PPIP5K2: variants seen among roughly 807,000 people sequenced by gnomAD.
The protein encoded by PPIP5K2 is inositol hexakisphosphate and diphosphoinositol-pentakisphosphate kinase 2.
PPIP5K2 carries 105 observed loss-of-function variants against 154.6 expected under a neutral mutation model. The observed-to-expected ratio is 0.68, with a 90% CI of 0.58 to 0.80. The LOEUF is 0.80. Ranked by LOEUF, PPIP5K2 falls within the 30% of genes least tolerant of loss-of-function variation. PPIP5K2 has a pLI of 0.00. For missense variants in PPIP5K2, 992 were observed against 1,504.6 expected (o/e 0.66, Z 5.64); for synonymous variants, 480 against 490.3 (o/e 0.98, Z 0.28).
rs782756106 is a variant in PPIP5K2 at position 103,210,575 on chromosome 5, G to C, written c.*8941G>C. The C allele has an allele frequency of 2.0e-5, 3 of 151,936 alleles. No homozygotes were observed. The highest frequency in any genetic ancestry group is 4.4e-5 in the Non-Finnish European group (3 of 67,936). The allele number at this position is 151,936 out of a possible 1,614,324, so 9.4% of individuals were successfully genotyped here. A position where few individuals can be genotyped will look rare whatever the true frequency, so the allele number is the denominator to read the frequency against. On this transcript the variant is annotated 3_prime_UTR_variant, in exon 31 of 31. Coordinates refer to ENST00000358359, the MANE Select transcript of PPIP5K2 (RefSeq NM_001276277.3). ...GTGGTAGACTATCTGGGAGACTCTA[G>C]AATCTTTACCATTCCCTCTACTATT... is the stretch of plus-strand genomic sequence containing the variant.
At chr5:103,123,474 G>T (rs1789127974) in intron 1 of PPIP5K2, among the ~76,000 whole-genome samples, 1 of 152,208 alleles carries the variant, frequency 6.6e-6, no homozygotes, top group Non-Finnish European at 1.5e-5. Context: ...AGCCCTACAG[G>T]TGATTCTGTT....
chr5:103,167,306 A>G lies in PPIP5K2; in HGVS notation c.2048A>G (p.Asp683Gly). Residue 683 changes from aspartate (D) to glycine (G), a missense_variant, in exon 18 of 31, where the codon GAT becomes GGT. Around this residue, in one of 9 missense-constraint regions of PPIP5K2, gnomAD observed 82 missense variants for 91.8 expected, o/e 0.89. Coordinates refer to ENST00000358359, the MANE Select transcript of PPIP5K2 (RefSeq NM_001276277.3). Reference protein sequence around the residue: ...LTSQIRHRMEDPKSSDIQLYH... With the variant: ...LTSQIRHRMEGPKSSDIQLYH... ...TCTCAAATCAGACATCGAATGGAAG[A>G]TCCTAAATCATCAGGTAAATATGTT... is the stretch of plus-strand genomic sequence containing the variant. 6.3e-7 allele frequency: 1 copy of G among 1,576,212 alleles called. No individual in the cohort carries two copies. The highest frequency in any genetic ancestry group is 8.6e-7 in the Non-Finnish European group (1 of 1,164,620).
At chr5:103,184,853 T>C in intron 26 of PPIP5K2, 109 bp downstream of exon 26, 1 of 729,110 alleles carries the variant, frequency 1.4e-6, no homozygotes, top group Non-Finnish European at 2.3e-6. Context: ...CTGTAGTTTT[T>C]ATTTAATGTG....
chr5:103,189,634 G>A lies in PPIP5K2; in HGVS notation c.3353-1208G>A, dbSNP rs905389893. On this transcript the variant is annotated intron_variant, in intron 28 of 30. Transcript: ENST00000358359. ...TTTTTGTTTTTAAAGTATGTGTAAT[G>A]TTCTGTCATGCTTTGGTTTGCACCT... is the stretch of plus-strand genomic sequence containing the variant. 2.0e-5 allele frequency among the ~76,000 whole-genome samples: 3 copies of A among 151,966 alleles called. No homozygotes were observed. In the East Asian group the frequency reaches 5.8e-4, roughly 29 times the overall value.
At chr5:103,151,057 T>G (rs1794578325) in intron 8 of PPIP5K2, among the ~76,000 whole-genome samples, 196 bp from the exon 9 acceptor site, 1 of 152,010 alleles carries the variant, frequency 6.6e-6, no homozygotes, top group Admixed American at 6.6e-5. Flanking sequence ...AATAATCATA[T>G]AGCCTCTATA....
At chr5:103,135,968 CTTTTTTTTTTTT>C (rs1159954877) in intron 3 of PPIP5K2, 1 of 116,306 alleles carries the variant, frequency 8.6e-6, no homozygotes, top group Non-Finnish European at 1.8e-5. Context: ...GCTTCTGTAG[CTTTTTTTTTTTT>C]TTTTTTTTTG....
At chr5:103,144,613 T>A (rs1793424992) in intron 5 of PPIP5K2, among the ~76,000 whole-genome samples, 1 of 151,890 alleles carries the variant, frequency 6.6e-6, no homozygotes, top group African/African-American at 2.4e-5. Flanking sequence ...CAGAAAAAAA[T>A]ATACACATTT....
In PPIP5K2 at chr5:103,206,712, G is replaced by A. The variant is rs113779221; in HGVS notation, c.*5078G>A. 5 of 152,290 alleles carry A rather than the reference G, an allele frequency of 3.3e-5. No homozygotes were observed. The highest frequency in any genetic ancestry group is 1.2e-4 in the African/African-American group (5 of 41,564). 9.4% of individuals were successfully genotyped at this position (152,290 alleles called of 1,614,324 possible). A position where few individuals can be genotyped will look rare whatever the true frequency, so the allele number is the denominator to read the frequency against. Reference sequence around the variant, plus strand: ...TTCACTTACTATGATAAAATTATAAGCAAGAGACCAAAAAGGAAAGTAGGG... The same window carrying A: ...TTCACTTACTATGATAAAATTATAAACAAGAGACCAAAAAGGAAAGTAGGG... On this transcript the variant is annotated 3_prime_UTR_variant, in exon 31 of 31. Transcript: ENST00000358359.
At chr5:103,172,619 A>G (rs1554219835) in intron 19 of PPIP5K2, among the ~76,000 whole-genome samples, 2 of 151,744 alleles carry the variant, frequency 1.3e-5, no homozygotes, top group African/African-American at 2.4e-5. Context: ...ATTCCTTACA[A>G]ATCCAATTAA....
rs1474927376 is a variant in PPIP5K2 at position 103,205,348 on chromosome 5, G to A, written c.*3714G>A. 6.6e-6 allele frequency: 1 copy of A among 152,038 alleles called. No homozygotes were observed. Among genetic ancestry groups the A allele is most frequent in the Non-Finnish European group, 1.5e-5 (1 of 68,020 alleles). The allele number at this position is 152,038 out of a possible 1,614,324, so 9.4% of individuals were successfully genotyped here. A position where few individuals can be genotyped will look rare whatever the true frequency, so the allele number is the denominator to read the frequency against. On this transcript the variant is annotated 3_prime_UTR_variant, in exon 31 of 31. Transcript: ENST00000358359. The stretch of plus-strand genomic sequence containing the variant: ...TAGTGGCATGATTTATAATCCTTTG[G>A]GTATATACCCAGTAATGGGATGGCT...
Position 103,168,265 on chromosome 5 carries a change from G to C in PPIP5K2, c.2256G>C (p.Ser752=), listed in dbSNP as rs114915858. ...ACACAATGGAATTATATAGGCTTTC[G>C]AAGGCATTAGCAGATATTGTTATCC... The part of the protein sequence containing the change: ...LENTMELYRL[S]KALADIVIPQ... Residue 752 remains serine, a synonymous_variant, in exon 19 of 31, where the codon TCG becomes TCC. Coordinates refer to ENST00000358359, the MANE Select transcript of PPIP5K2 (RefSeq NM_001276277.3). 6.2e-7 allele frequency: 1 copy of C among 1,606,894 alleles called. No individual in the cohort carries two copies.
rs782769236 is a variant in PPIP5K2 at position 103,129,675 on chromosome 5, A to C, written c.86A>C (p.Asp29Ala). The C allele has an allele frequency of 1.9e-6, 3 of 1,608,362 alleles. No homozygotes were observed. The highest frequency in any genetic ancestry group is 1.7e-5 in the Admixed American group (1 of 58,648). Residue 29 changes from aspartate (D) to alanine (A), a missense_variant, in exon 2 of 31, where the codon GAT becomes GCT. This residue lies in a region of PPIP5K2 where 153 missense variants were observed against 200.4 expected (regional missense o/e 0.76). Coordinates refer to ENST00000358359, the MANE Select transcript of PPIP5K2 (RefSeq NM_001276277.3). ...GNYRHFFHHA[D>A]EDDEEEDDSP... Reference sequence around the variant, plus strand: ...TATCGACATTTCTTCCACCATGCAGATGAAGACGATGAGGAGGAAGATGAT... The same window carrying C: ...TATCGACATTTCTTCCACCATGCAGCTGAAGACGATGAGGAGGAAGATGAT...
At chr5:103,163,804 T>A (rs1208038825) in intron 17 of PPIP5K2, among the ~76,000 whole-genome samples, 6 of 152,028 alleles carry the variant, frequency 3.9e-5, no homozygotes, top group African/African-American at 1.4e-4. Context: ...TAGAATATCC[T>A]CAGCTTTTCC....
intron 8 of PPIP5K2, among the ~76,000 whole-genome samples, chr5:103,150,843 C>CTTTTTTTTTTT (rs377739666): frequency 1.5e-5 from 1 of 68,064 alleles, no homozygotes; most frequent in Non-Finnish European, 2.7e-5. Context: ...GTCCATCCTC[C>CTTTTTTTTTTT]TTTTTTTTTT....
rs145476006 is a variant in PPIP5K2, at chr5:103,166,846, T to A, written c.1921-333T>A. On this transcript the variant is annotated intron_variant, in intron 17 of 30. Coordinates refer to ENST00000358359, the MANE Select transcript of PPIP5K2 (RefSeq NM_001276277.3). ...AAGGGGAAATAGATCATCTTAGAGG[T>A]CTTCATCTTTATTTTCACATTGAGT... is the stretch of plus-strand genomic sequence containing the variant. 3.2e-3 allele frequency among the ~76,000 whole-genome samples: 487 copies of A among 151,850 alleles called. 1 individual carries two copies. The highest frequency in any genetic ancestry group is 5.8e-3 in the Non-Finnish European group (391 of 67,894).
intron 1 of PPIP5K2, 191 bp downstream of exon 1, chr5:103,120,679 C>A: frequency 3.3e-6 from 1 of 305,036 alleles, no homozygotes; most frequent in Non-Finnish European, 6.8e-6. Context: ...GGTCCTTTCG[C>A]GCCTTGATTT....
chr5:103,156,263 T>C (rs1335115330), intron 14 of PPIP5K2, among the ~76,000 whole-genome samples: 2 of 152,328 alleles, frequency 1.3e-5, no homozygotes, highest in East Asian at 3.8e-4. Context: ...GGAAAACTTA[T>C]TTGTTTATAA....
Position 103,133,637 on chromosome 5 carries a change from TC to T in PPIP5K2, c.301del (p.His101IlefsTer21). 6.2e-7 allele frequency: 1 copy of T among 1,602,334 alleles called. No homozygotes were observed. Among genetic ancestry groups the T allele is most frequent in the Non-Finnish European group, 8.5e-7 (1 of 1,176,006 alleles). On this transcript the variant is annotated frameshift_variant, in exon 3 of 31. Coordinates refer to ENST00000358359, the MANE Select transcript of PPIP5K2 (RefSeq NM_001276277.3). LOFTEE classifies it high-confidence loss of function. ...NWPLCDCLISFHSKGFPLDKA... is the reference protein window; with the variant it reads ...NWPLCDCLISXHSKGFPLDKA... Reference sequence around the variant, plus strand: ...CCTTTATGTGATTGTCTTATTTCTTTCCATTCTAAAGGTATTAAGGGGAGTG... The same window carrying T: ...CCTTTATGTGATTGTCTTATTTCTTTCATTCTAAAGGTATTAAGGGGAGTG...
At chr5:103,195,221 C>A (rs1292201020) in intron 30 of PPIP5K2, among the ~76,000 whole-genome samples, 196 bp downstream of exon 30, 1 of 152,164 alleles carries the variant, frequency 6.6e-6, no homozygotes, top group Non-Finnish European at 1.5e-5. Flanking sequence ...CCCCTCTCCC[C>A]ACATCTGTTA....
Sources: allele counts gnomAD v4.1 joint callset (sites outside exome capture counted in the v4.1 genomes callset), GRCh38; gene constraint gnomAD v4.1.1; regional missense constraint gnomAD v4.1.1; transcripts MANE v1.5; gene names NCBI Gene and HGNC (gene_info 2026-07-23, HGNC 2026-07-21).